The following WWOX variants were observed in gnomAD, a reference collection of about 807,000 sequenced individuals.
WWOX encodes the protein WW domain-containing oxidoreductase.
Under a neutral mutation model 46.2 loss-of-function variants are expected in WWOX, and 69 were observed. That is an observed-to-expected ratio of 1.49 (90% CI 1.23 to 1.82). The LOEUF (loss-of-function observed/expected upper bound fraction) is 1.82. WWOX is among the 40% of genes most tolerant of loss of function. The probability of loss-of-function intolerance (pLI) is 0.00; values close to 1 mark genes in which losing one functional copy is unlikely to be tolerated. For missense variants in WWOX, 919 were observed against 542.6 expected, an observed-to-expected ratio of 1.69 and a Z score of -6.89; for synonymous variants, 359 against 202.6, an observed-to-expected ratio of 1.77 and a Z score of -6.56.
intron 8 of WWOX, among the ~76,000 whole-genome samples, chr16:78,498,045 A>G (rs995829521): frequency 4.6e-5 from 7 of 152,104 alleles, no homozygotes; most frequent in East Asian, 3.9e-4. Context: ...TACTAAAAAT[A>G]CAAAAAGAAA....
chr16:78,325,600 T>C (rs1255484706), intron 5 of WWOX, among the ~76,000 whole-genome samples: 1 of 152,212 alleles, frequency 6.6e-6, no homozygotes, highest in Non-Finnish European at 1.5e-5. Flanking sequence ...AAAAGGCTAA[T>C]AGAGAAGTAA....
At chr16:78,509,097 C>T (rs924722904) in intron 8 of WWOX, among the ~76,000 whole-genome samples, 1 of 152,200 alleles carries the variant, frequency 6.6e-6, no homozygotes, top group African/African-American at 2.4e-5. Context: ...CAGTGAGGCC[C>T]TCCCTTCGTG....
Position 78,528,744 on chromosome 16 carries a change from G to C in WWOX, c.1056+95992G>C, listed in dbSNP as rs2667620. ...ATTTGGCCGGTGAAAATGAACTTTA[G>C]GTAGGGGTTTGAGGAAAATGAAAAG... On this transcript the variant is annotated intron_variant, in intron 8 of 8. Transcript: ENST00000566780. Among the ~76,000 whole-genome samples the C allele has an allele frequency of 5.4e-3, 815 of 152,054 alleles. 10 individuals carry two copies. Among genetic ancestry groups the C allele is most frequent in the African/African-American group, 0.019 (788 of 41,482 alleles).
At chr16:78,661,974 A>G (rs76243183) in intron 8 of WWOX, among the ~76,000 whole-genome samples, 2 of 152,242 alleles carry the variant, frequency 1.3e-5, no homozygotes, top group South Asian at 2.1e-4. Context: ...AGCCCGGTAG[A>G]TGGAGGTTGC....
At chr16:78,885,667 A>C (rs1306434116) in intron 8 of WWOX, among the ~76,000 whole-genome samples, 1 of 152,154 alleles carries the variant, frequency 6.6e-6, no homozygotes, top group Admixed American at 6.5e-5. Context: ...AATTTATGTA[A>C]ATAGTTTTTG....
chr16:78,856,203 C>G (rs901935086), intron 8 of WWOX, among the ~76,000 whole-genome samples: 50 of 152,222 alleles, frequency 3.3e-4, no homozygotes, highest in African/African-American at 1.2e-3. Flanking sequence ...AACAGAATGA[C>G]AGAGGAAAAT....
intron 8 of WWOX, among the ~76,000 whole-genome samples, chr16:78,992,528 C>G (rs1232219093): frequency 2.6e-5 from 4 of 152,090 alleles, no homozygotes; most frequent in African/African-American, 4.8e-5. Flanking sequence ...GTTGTATGTA[C>G]CAGTATGCAA....
chr16:78,249,122 A>C (rs981917959), intron 5 of WWOX, among the ~76,000 whole-genome samples: 7 of 151,942 alleles, frequency 4.6e-5, no homozygotes, highest in African/African-American at 1.7e-4. Context: ...CAAAGTGCTG[A>C]GATTACAGGC....
rs556608568 is a variant in WWOX, at chr16:79,083,633, CAGTT to C, written c.1057-127972_1057-127969del. ...TTACAGGCTCTAATGCACGATAAGA[CAGTT>C]AGGTTCGAAGGAAAACAAAGACAAT... On this transcript the variant is annotated intron_variant, in intron 8 of 8. Transcript: ENST00000566780. 1.7e-4 allele frequency among the ~76,000 whole-genome samples: 26 copies of C among 152,256 alleles called. No homozygotes were observed. In the South Asian group the frequency reaches 5.4e-3, roughly 32 times the overall value.
At chr16:78,352,257 G>T (rs545074456) in intron 5 of WWOX, among the ~76,000 whole-genome samples, 27 of 152,300 alleles carry the variant, frequency 1.8e-4, no homozygotes, top group African/African-American at 6.3e-4. Flanking sequence ...ACTGTATTTT[G>T]TTTCCTATCT....
chr16:78,771,897 G>T (rs755636828), intron 8 of WWOX, among the ~76,000 whole-genome samples: 33 of 152,148 alleles, frequency 2.2e-4, no homozygotes, highest in Non-Finnish European at 8.8e-5. Flanking sequence ...CAAATTTTGT[G>T]TTACATACAT....
At position 78,325,798 on chromosome 16, in the gene WWOX, A is replaced by G. The variant is rs1011340269; in HGVS notation, c.517-61062A>G. Among the ~76,000 whole-genome samples, 36 of 152,238 alleles carry G rather than the reference A, an allele frequency of 2.4e-4. 1 individual carries two copies. The highest frequency in any genetic ancestry group is 8.2e-4 in the African/African-American group (34 of 41,460). ...AGTCCGTTGCCCTGGAATGGAAGGCATAGGAGTTAAGGGTTTGTTTGCTTT... is the reference window on the plus strand; with the variant it reads ...AGTCCGTTGCCCTGGAATGGAAGGCGTAGGAGTTAAGGGTTTGTTTGCTTT... On this transcript the variant is annotated intron_variant, in intron 5 of 8. Coordinates refer to ENST00000566780, the MANE Select transcript of WWOX (RefSeq NM_016373.4).
intron 8 of WWOX, among the ~76,000 whole-genome samples, chr16:78,709,504 T>G (rs376683894): frequency 2.0e-5 from 3 of 152,166 alleles, no homozygotes; most frequent in African/African-American, 7.2e-5. Context: ...ACACAGGCCC[T>G]CTCAATCTGA....
chr16:79,098,892 T>G (rs1011547557), intron 8 of WWOX, among the ~76,000 whole-genome samples: 2 of 152,242 alleles, frequency 1.3e-5, no homozygotes, highest in African/African-American at 4.8e-5. Flanking sequence ...GGTATAGTTT[T>G]GTCCGTTTTG....
intron 8 of WWOX, chr16:79,004,023 G>C (rs774828524): frequency 2.0e-5 from 3 of 152,284 alleles, no homozygotes; most frequent in Non-Finnish European, 4.4e-5. Context: ...CAGGTCTACT[G>C]CAAGTGTCAC....
chr16:78,729,826 C>T (rs1212697054), intron 8 of WWOX, among the ~76,000 whole-genome samples: 3 of 152,132 alleles, frequency 2.0e-5, no homozygotes, highest in Admixed American at 1.3e-4. Context: ...GAGGCCTGAA[C>T]CTGCTATGCA....
chr16:79,049,630 G>A (rs541503777), intron 8 of WWOX, among the ~76,000 whole-genome samples: 2 of 152,234 alleles, frequency 1.3e-5, no homozygotes, highest in South Asian at 2.1e-4. Context: ...GAGGTCAGGA[G>A]TTCAAGACCA....
chr16:79,135,434 T>C (rs2042413), intron 8 of WWOX, among the ~76,000 whole-genome samples: 76,013 of 152,074 alleles, frequency 0.5, 19,999 homozygotes, highest in African/African-American at 0.68. Context: ...CATTTACTTA[T>C]GTAATAAATC....
intron 8 of WWOX, among the ~76,000 whole-genome samples, chr16:78,905,211 C>T (rs868301827): frequency 6.6e-6 from 1 of 152,148 alleles, no homozygotes; most frequent in Non-Finnish European, 1.5e-5. Context: ...TGGCCAATCT[C>T]AGGAGAGGAG....
Sources: allele counts gnomAD v4.1 joint callset (sites outside exome capture counted in the v4.1 genomes callset), GRCh38; gene constraint gnomAD v4.1.1; transcripts MANE v1.5; gene names NCBI Gene and HGNC (gene_info 2026-07-23, HGNC 2026-07-21).